CACTIN: variants seen among roughly 807,000 people sequenced by gnomAD.
CACTIN encodes splicing factor Cactin.
Under a neutral mutation model 84.9 loss-of-function variants are expected in CACTIN, and 20 were observed. That is an observed-to-expected ratio of 0.24 (90% CI 0.17 to 0.34). The LOEUF is 0.34. CACTIN is among the 10% of genes least tolerant of loss of function. The pLI is 1.00. For missense variants in CACTIN, 897 were observed against 1,117.2 expected (o/e 0.80, Z 2.81); for synonymous variants, 549 against 467.9 (o/e 1.17, Z -2.24).
chr19:3,613,515 C>T lies in CACTIN; in HGVS notation c.1427G>A (p.Ser476Asn), dbSNP rs769330852. 11 of 1,587,702 alleles carry T rather than the reference C, an allele frequency of 6.9e-6. No individual in the cohort carries two copies. In the Admixed American group the frequency reaches 8.8e-5, roughly 13 times the overall value. Residue 476 changes from serine to asparagine, a missense_variant, in exon 8 of 10, where the codon AGC (serine) becomes AAC (asparagine). Coordinates refer to ENST00000429344, the MANE Select transcript of CACTIN (RefSeq NM_001080543.2). The part of the protein sequence containing the change: ...YKLKQEQGVE[S>N]EPLFPILKQE... The stretch of plus-strand genomic sequence containing the variant: ...CTTGAGGATGGGGAACAGCGGCTCG[C>T]TCTCCACGCCCTGCTCCTGCTTCAG...
At chr19:3,624,659 G>A (rs1407443468) in intron 1 of CACTIN, among the ~76,000 whole-genome samples, 1 of 152,150 alleles carries the variant, frequency 6.6e-6, no homozygotes, top group Non-Finnish European at 1.5e-5. Flanking sequence ...AGGTGGCTGG[G>A]GCTGGTGGCG....
At chr19:3,620,449 G>A in intron 3 of CACTIN, 177 bp from the exon 4 acceptor site, 2 of 801,548 alleles carry the variant, frequency 2.5e-6, no homozygotes, top group South Asian at 1.5e-5. Flanking sequence ...TCCTGCCCGA[G>A]ACTCAGCAGC....
rs1396142547 is a variant in CACTIN at position 3,613,155 on chromosome 19, C to T, written c.1689G>A (p.Leu563=). The change falls in exon 9 of 10, where the codon CTG becomes CTA. Residue 563 remains leucine, a synonymous_variant. Coordinates refer to ENST00000429344, the MANE Select transcript of CACTIN (RefSeq NM_001080543.2). ...CCAGTGGCAGCTCGTGCGCCGTGAGCAGCCGCGGGCTGTACCTGCCGGCGT... is the reference window on the plus strand; with the variant it reads ...CCAGTGGCAGCTCGTGCGCCGTGAGTAGCCGCGGGCTGTACCTGCCGGCGT... ...DYDAGRYSPR[L]LTAHELPLDA... The T allele has an allele frequency of 3.7e-6, 6 of 1,609,746 alleles. No homozygotes were observed. The highest frequency in any genetic ancestry group is 1.1e-5 in the South Asian group (1 of 91,032).
At position 3,619,180 on chromosome 19, in the gene CACTIN, C is replaced by T; in HGVS notation, c.947G>A (p.Ser316Asn). 1 of 1,613,444 alleles carries T rather than the reference C, an allele frequency of 6.2e-7. No individual in the cohort carries two copies. Among genetic ancestry groups the T allele is most frequent in the Non-Finnish European group, 8.5e-7 (1 of 1,179,718 alleles). ...KPIDLLAKYI[S>N]AEDDDLAVEM... ...CACGGCCAGATCGTCATCCTCAGCG[C>T]TGATGTACTTGGCCAGCAGGTCGAT... The change falls in exon 5 of 10, where the codon AGC becomes AAC. Residue 316 changes from serine to asparagine, a missense_variant. This residue lies in a region of CACTIN where 304 missense variants were observed against 444.3 expected (regional missense o/e 0.68). Coordinates refer to ENST00000429344, the MANE Select transcript of CACTIN (RefSeq NM_001080543.2).
At position 3,615,644 on chromosome 19, in the gene CACTIN, TG is replaced by T. The variant is rs1206999888; in HGVS notation, c.1163-1056del. ...GCTGCTGCTGTTCCCTGTGCCATGC[TG>T]GGCCCACAGGGAGCTTGGTGCATAG... On this transcript the variant is annotated intron_variant, in intron 6 of 9. Transcript: ENST00000429344. The surrounding 1 kb of genome is among the most constrained non-coding windows in gnomAD (Gnocchi z 5.2). 1.3e-5 allele frequency: 2 copies of T among 152,282 alleles called. No individual in the cohort carries two copies. Among genetic ancestry groups the T allele is most frequent in the African/African-American group, 4.8e-5 (2 of 41,426 alleles). The allele number at this position is 152,282 out of a possible 1,614,324, so 9.4% of individuals were successfully genotyped here. A position where few individuals can be genotyped will look rare whatever the true frequency, so the allele number is the denominator to read the frequency against.
At chr19:3,617,381 TC>T (rs2033125488) in intron 6 of CACTIN, among the ~76,000 whole-genome samples, 1 of 152,204 alleles carries the variant, frequency 6.6e-6, no homozygotes, top group Admixed American at 6.5e-5. Context: ...ACCCCTCGGT[TC>T]CCTACTCCTG....
rs745560965 is a variant in CACTIN, at chr19:3,610,811, G to A, written c.*1112C>T. On this transcript the variant is annotated 3_prime_UTR_variant, in exon 10 of 10. Transcript: ENST00000429344. ...TGGGAGGGGCTGTGGGTGGTCTGGG[G>A]CTGGTGACTGGTGAGGTTGGGTGGC... 18 of 456,710 alleles carry A rather than the reference G, an allele frequency of 3.9e-5. No individual in the cohort carries two copies. The highest frequency in any genetic ancestry group is 2.8e-4 in the South Asian group (18 of 64,568). The allele number at this position is 456,710 out of a possible 1,614,324, so 28.3% of individuals were successfully genotyped here.
At chr19:3,618,479 G>A (rs563767702) in intron 6 of CACTIN, among the ~76,000 whole-genome samples, 70 of 152,342 alleles carry the variant, frequency 4.6e-4, no homozygotes, top group Non-Finnish European at 9.0e-4. Context: ...ACGAACTGAC[G>A]CACGGGACAG....
Position 3,626,726 on chromosome 19 carries a change from C to G in CACTIN, c.37G>C (p.Gly13Arg). Reference sequence around the variant, plus strand: ...CTCTGCCGCCTTCGGCCCCGGCGACCCGCGGACCGCGAGCGCGAGCGTGTG... The same window carrying G: ...CTCTGCCGCCTTCGGCCCCGGCGACGCGCGGACCGCGAGCGCGAGCGTGTG... The part of the protein sequence containing the change: ...RDTRSRSRSA[G>R]RRGRRRQSQS... The change falls in exon 1 of 10, where the codon GGT (glycine) becomes CGT (arginine). Residue 13 changes from glycine to arginine, a missense_variant. Around this residue, in one of 8 missense-constraint regions of CACTIN, gnomAD observed 261 missense variants for 243.8 expected, o/e 1.07. Transcript: ENST00000429344. The G allele has an allele frequency of 6.7e-7, 1 of 1,493,766 alleles. No homozygotes were observed. The highest frequency in any genetic ancestry group is 2.8e-5 in the East Asian group (1 of 35,696). 92.5% of individuals were successfully genotyped at this position (1,493,766 alleles called of 1,614,324 possible). A position where few individuals can be genotyped will look rare whatever the true frequency, so the allele number is the denominator to read the frequency against.
At chr19:3,613,614 A>T in intron 7 of CACTIN, 28 bp from the exon 8 acceptor site, 1 of 1,586,464 alleles carries the variant, frequency 6.3e-7, no homozygotes, top group Non-Finnish European at 8.5e-7. Flanking sequence ...GGTCACCCGC[A>T]TGGAGGCGAA....
At chr19:3,625,774 C>T (rs1355340740) in intron 1 of CACTIN, among the ~76,000 whole-genome samples, 1 of 152,216 alleles carries the variant, frequency 6.6e-6, no homozygotes, top group Non-Finnish European at 1.5e-5. Flanking sequence ...GAACTTGGCC[C>T]AGAGCGGGGC....
At chr19:3,621,122 C>T in intron 2 of CACTIN, 3 of 465,530 alleles carry the variant, frequency 6.4e-6, no homozygotes, top group South Asian at 2.0e-5. Context: ...CAGCCCCCAA[C>T]AGAAGAGCCT....
chr19:3,623,260 T>C (rs2033262338), intron 2 of CACTIN, among the ~76,000 whole-genome samples: 1 of 139,804 alleles, frequency 7.2e-6, no homozygotes, highest in Non-Finnish European at 1.5e-5. Context: ...CCGGGCGTGG[T>C]GGCTCACGCC....
rs745952291 is a variant in CACTIN at position 3,618,947 on chromosome 19, G to A, written c.1090C>T (p.Arg364Trp). 3 of 1,559,136 alleles carry A rather than the reference G, an allele frequency of 1.9e-6. No homozygotes were observed. Among genetic ancestry groups the A allele is most frequent in the African/African-American group, 1.4e-5 (1 of 73,426 alleles). ...LEQGKNADFW[R>W]DMTTITEDEI... ...TCCTCGGTGATGGTGGTCATGTCCCGCCAGAAGTCGGCGTTCTTGCCCTGC... is the reference window on the plus strand; with the variant it reads ...TCCTCGGTGATGGTGGTCATGTCCCACCAGAAGTCGGCGTTCTTGCCCTGC... Residue 364 changes from arginine (R) to tryptophan (W), a missense_variant, in exon 6 of 10, where the codon CGG (arginine) becomes TGG (tryptophan). Physicochemically the swap from Arg to Trp is moderately radical, Grantham distance 101 (BLOSUM62 -3). This residue lies in a region of CACTIN where 304 missense variants were observed against 444.3 expected (regional missense o/e 0.68). Transcript: ENST00000429344.
Position 3,612,124 on chromosome 19 carries a change from G to C in CACTIN, c.2076C>G (p.Pro692=), listed in dbSNP as rs926072164. The C allele has an allele frequency of 3.7e-6, 6 of 1,613,670 alleles. No individual in the cohort carries two copies. The African/African-American group carries it at 8.0e-5, about 22-fold the overall frequency. The part of the protein sequence containing the change: ...YPDLIDKRST[P]EYFLEACADN... The stretch of plus-strand genomic sequence containing the variant: ...CGGCGCAGGCCTCCAGGAAGTACTC[G>C]GGCGTGGAGCGCTTGTCGATGAGGT... The change falls in exon 10 of 10, where the codon CCC becomes CCG. Residue 692 remains proline, a synonymous_variant. Transcript: ENST00000429344.
In CACTIN at chr19:3,623,914, C is replaced by G. The variant is rs763258212; in HGVS notation, c.416G>C (p.Ser139Thr). 1 of 1,606,394 alleles carries G rather than the reference C, an allele frequency of 6.2e-7. No homozygotes were observed. Among genetic ancestry groups the G allele is most frequent in the Non-Finnish European group, 8.5e-7 (1 of 1,179,594 alleles). The change falls in exon 2 of 10, where the codon AGC becomes ACC. Residue 139 changes from serine (S) to threonine (T), a missense_variant. Ser to Thr is a moderately conservative substitution (Grantham distance 58). Around this residue, in one of 8 missense-constraint regions of CACTIN, gnomAD observed 261 missense variants for 243.8 expected, o/e 1.07. Coordinates refer to ENST00000429344, the MANE Select transcript of CACTIN (RefSeq NM_001080543.2). ...AAAAALSQQQ[S>T]LQERLRLREE... The stretch of plus-strand genomic sequence containing the variant: ...CCGCAGCCGCAGCCGCTCCTGCAGG[C>G]TCTGCTGCTGGCTCAGGGCAGCCGC...
chr19:3,620,533 G>A (rs1032710158), intron 3 of CACTIN, 174 bp downstream of exon 3: 24 of 659,124 alleles, frequency 3.6e-5, no homozygotes, highest in East Asian at 1.1e-4. Flanking sequence ...CAGCAGAGCC[G>A]AGAGGTGGAG....
chr19:3,617,901 G>C (rs898046311), intron 6 of CACTIN, among the ~76,000 whole-genome samples: 5 of 152,192 alleles, frequency 3.3e-5, no homozygotes, highest in Non-Finnish European at 7.3e-5. Context: ...CACCTCCGGG[G>C]AACACAAAGC....
chr19:3,619,160 C>T lies in CACTIN; in HGVS notation c.967G>A (p.Ala323Thr). Reference sequence around the variant, plus strand: ...GTGTAGGGCTCATGCATCTCCACGGCCAGATCGTCATCCTCAGCGCTGATG... The same window carrying T: ...GTGTAGGGCTCATGCATCTCCACGGTCAGATCGTCATCCTCAGCGCTGATG... ...KYISAEDDDL[A>T]VEMHEPYTFL... Residue 323 changes from alanine to threonine, a missense_variant, in exon 5 of 10, where the codon GCC becomes ACC. Physicochemically the swap from Ala to Thr is moderately conservative, Grantham distance 58. Transcript: ENST00000429344. 6.2e-7 allele frequency: 1 copy of T among 1,611,592 alleles called. No individual in the cohort carries two copies.
Sources: allele counts gnomAD v4.1 joint callset (sites outside exome capture counted in the v4.1 genomes callset), GRCh38; gene constraint gnomAD v4.1.1; regional missense constraint gnomAD v4.1.1; non-coding constraint Gnocchi (gnomAD v3.1); transcripts MANE v1.5; gene names NCBI Gene and HGNC (gene_info 2026-07-23, HGNC 2026-07-21).